ZMAT4: variants seen among roughly 807,000 people sequenced by gnomAD.
The protein encoded by ZMAT4 is zinc finger matrin-type protein 4.
In ZMAT4, 17 loss-of-function variants were observed where a neutral mutation model predicts 28.7. The observed-to-expected ratio is 0.59, with a 90% CI of 0.41 to 0.89. The LOEUF (loss-of-function observed/expected upper bound fraction) is 0.89. ZMAT4 is among the 40% of genes least tolerant of loss of function. The pLI is 0.00. For synonymous variants in ZMAT4, 117 were observed against 109.2 expected, an observed-to-expected ratio of 1.07 and a Z score of -0.44; for missense variants, 240 against 283.8, an observed-to-expected ratio of 0.85 and a Z score of 1.11.
chr8:40,816,134 C>T (rs980163131), intron 2 of ZMAT4, among the ~76,000 whole-genome samples: 1 of 152,188 alleles, frequency 6.6e-6, no homozygotes, highest in Non-Finnish European at 1.5e-5. Flanking sequence ...CATGCCCCAG[C>T]CTCTCTACAG....
intron 2 of ZMAT4, among the ~76,000 whole-genome samples, chr8:40,806,871 G>A (rs1332595696): frequency 6.6e-6 from 1 of 151,552 alleles, no homozygotes; most frequent in Non-Finnish European, 1.5e-5. Context: ...TCAAAAATAT[G>A]TTGGGATAAT....
chr8:40,533,633 GA>G (rs1802761806), intron 6 of ZMAT4, among the ~76,000 whole-genome samples: 1 of 152,190 alleles, frequency 6.6e-6, no homozygotes, highest in Non-Finnish European at 1.5e-5. Context: ...TGCTGTCATA[GA>G]ATATTCTTAG....
intron 1 of ZMAT4, among the ~76,000 whole-genome samples, chr8:40,877,047 G>A (rs770407929): frequency 1.1e-4 from 17 of 152,166 alleles, no homozygotes; most frequent in Non-Finnish European, 2.2e-4. Context: ...AAATTAAAAC[G>A]AGACCATTAG....
At chr8:40,706,585 A>G (rs1810361954) in intron 3 of ZMAT4, among the ~76,000 whole-genome samples, 1 of 151,764 alleles carries the variant, frequency 6.6e-6, no homozygotes, top group African/African-American at 2.4e-5. Context: ...CTTGTCAAAA[A>G]CTCTCAACCA....
At chr8:40,644,950 A>T (rs1431048829) in intron 5 of ZMAT4, among the ~76,000 whole-genome samples, 1 of 152,206 alleles carries the variant, frequency 6.6e-6, no homozygotes, top group African/African-American at 2.4e-5. Context: ...TGCTTTCAAA[A>T]CTATTAAATC....
chr8:40,575,837 A>T (rs1163919759), intron 6 of ZMAT4, among the ~76,000 whole-genome samples: 1 of 152,136 alleles, frequency 6.6e-6, no homozygotes, highest in Non-Finnish European at 1.5e-5. Flanking sequence ...AAAATGCCAG[A>T]AAAGGAATTC....
intron 5 of ZMAT4, among the ~76,000 whole-genome samples, chr8:40,618,585 A>T (rs1806094850): frequency 1.3e-5 from 2 of 151,958 alleles, no homozygotes; most frequent in Admixed American, 1.3e-4. Flanking sequence ...CAAGCTACCA[A>T]TTCATTTGTT....
At chr8:40,720,307 C>A (rs564078111) in intron 3 of ZMAT4, among the ~76,000 whole-genome samples, 1 of 151,962 alleles carries the variant, frequency 6.6e-6, no homozygotes, top group Admixed American at 6.6e-5. Flanking sequence ...AGTAGGTGTT[C>A]CCAACTTAAT....
chr8:40,897,743 G>C lies in ZMAT4; in HGVS notation c.-65C>G, dbSNP rs1018739960. The C allele has an allele frequency of 6.6e-6, 1 of 152,276 alleles. No individual in the cohort carries two copies. The highest frequency in any genetic ancestry group is 1.5e-5 in the Non-Finnish European group (1 of 68,088). 9.4% of individuals were successfully genotyped at this position (152,276 alleles called of 1,614,324 possible). ...AGGCCAGCTGCCCTGCCGAGCAGTA[G>C]AGCGAAGCTGTGGGCTGGAGCACGC... is the stretch of plus-strand genomic sequence containing the variant. On this transcript the variant is annotated 5_prime_UTR_variant, in exon 1 of 7. Coordinates refer to ENST00000297737, the MANE Select transcript of ZMAT4 (RefSeq NM_024645.3).
chr8:40,532,340 T>G, intron 6 of ZMAT4, 102 bp from the exon 7 acceptor site: 1 of 931,992 alleles, frequency 1.1e-6, no homozygotes. Context: ...CTTCTCATAT[T>G]ACCTTAACCA....
intron 5 of ZMAT4, among the ~76,000 whole-genome samples, chr8:40,630,163 C>T (rs993085177): frequency 6.6e-6 from 1 of 152,166 alleles, no homozygotes; most frequent in Non-Finnish European, 1.5e-5. Flanking sequence ...TTGTTTGGAC[C>T]AAATTCCATC....
At chr8:40,694,898 A>T (rs1445981752) in intron 4 of ZMAT4, among the ~76,000 whole-genome samples, 5 of 152,132 alleles carry the variant, frequency 3.3e-5, no homozygotes, top group Non-Finnish European at 5.9e-5. Flanking sequence ...TAAAGAAATT[A>T]TCTGTTTGAC....
At chr8:40,619,084 G>T (rs1563369826) in intron 5 of ZMAT4, among the ~76,000 whole-genome samples, 2 of 152,198 alleles carry the variant, frequency 1.3e-5, no homozygotes. Context: ...ACGCATCATT[G>T]GTGATTGGTT....
rs551952648 is a variant in ZMAT4 at position 40,617,686 on chromosome 8, T to C, written c.578-36425A>G. 9.7e-4 allele frequency among the ~76,000 whole-genome samples: 147 copies of C among 152,320 alleles called. 1 individual carries two copies. Among genetic ancestry groups the C allele is most frequent in the African/African-American group, 2.8e-3 (118 of 41,586 alleles). ...CTAGTTAAATAAACAGCATAGAGCATGAAATGCAGGCTGCTTAAAAGTTGA... is the reference window on the plus strand; with the variant it reads ...CTAGTTAAATAAACAGCATAGAGCACGAAATGCAGGCTGCTTAAAAGTTGA... On this transcript the variant is annotated intron_variant, in intron 5 of 6. Transcript: ENST00000297737.
At chr8:40,693,120 T>C (rs960583318) in intron 4 of ZMAT4, among the ~76,000 whole-genome samples, 9 of 152,154 alleles carry the variant, frequency 5.9e-5, no homozygotes, top group Non-Finnish European at 1.2e-4. Flanking sequence ...TGGGGTCTTT[T>C]TTCTTGTTTT....
At chr8:40,731,710 G>GA (rs1811550223) in intron 3 of ZMAT4, among the ~76,000 whole-genome samples, 1 of 152,088 alleles carries the variant, frequency 6.6e-6, no homozygotes, top group South Asian at 2.1e-4. Flanking sequence ...GGAAGACACG[G>GA]AAAAAGTCAA....
At chr8:40,724,605 G>A (rs1811245693) in intron 3 of ZMAT4, among the ~76,000 whole-genome samples, 1 of 152,188 alleles carries the variant, frequency 6.6e-6, no homozygotes, top group South Asian at 2.1e-4. Context: ...GAAAGAAGGA[G>A]AATGACACAT....
chr8:40,592,216 C>T (rs923260399), intron 5 of ZMAT4, among the ~76,000 whole-genome samples: 5 of 152,114 alleles, frequency 3.3e-5, no homozygotes, highest in African/African-American at 1.2e-4. Flanking sequence ...CAACAGTTTG[C>T]CATGCCATTC....
chr8:40,722,223 C>G (rs1316667001), intron 3 of ZMAT4, among the ~76,000 whole-genome samples: 1 of 152,084 alleles, frequency 6.6e-6, no homozygotes, highest in African/African-American at 2.4e-5. Context: ...AAACTACCAT[C>G]AGAGTGAACA....
Sources: allele counts gnomAD v4.1 joint callset (sites outside exome capture counted in the v4.1 genomes callset), GRCh38; gene constraint gnomAD v4.1.1; transcripts MANE v1.5; gene names NCBI Gene and HGNC (gene_info 2026-07-23, HGNC 2026-07-21).